Variants in MICAL3 observed in about 807,000 individuals in gnomAD.
MICAL3 encodes the protein [F-actin]-monooxygenase MICAL3.
Under a neutral mutation model 207.4 loss-of-function variants are expected in MICAL3, and 62 were observed. That is an observed-to-expected ratio of 0.30 (90% CI 0.24 to 0.37). The LOEUF is 0.37. Ranked by LOEUF, MICAL3 falls within the 10% of genes least tolerant of loss-of-function variation. The probability of loss-of-function intolerance (pLI) is 1.00; values close to 1 mark genes in which losing one functional copy is unlikely to be tolerated. For synonymous variants in MICAL3, 1,077 were observed against 1,069.3 expected (o/e 1.01, Z -0.14); for missense variants, 2,368 against 2,635.6 (o/e 0.90, Z 2.22).
In MICAL3 at chr22:17,887,304, A is replaced by G. The variant is rs1930005839; in HGVS notation, c.2004+19T>C. 1.2e-6 allele frequency: 2 copies of G among 1,611,354 alleles called. No homozygotes were observed. The highest frequency in any genetic ancestry group is 1.7e-6 in the Non-Finnish European group (2 of 1,177,654). ...CTTGCCATTAGCTTTGCAGCCCATC[A>G]AGAGACTCCTCCACATACCTTGGGA... On this transcript the variant is annotated intron_variant, in intron 14 of 31. Transcript: ENST00000441493.
At chr22:18,000,389 T>C (rs1922808388) in intron 1 of MICAL3, among the ~76,000 whole-genome samples, 2 of 152,246 alleles carry the variant, frequency 1.3e-5, no homozygotes, top group African/African-American at 4.8e-5. Flanking sequence ...TGGACATACT[T>C]TCTCTGCATT....
chr22:17,889,540 G>A (rs1208526077), intron 12 of MICAL3, among the ~76,000 whole-genome samples: 5 of 152,154 alleles, frequency 3.3e-5, no homozygotes, highest in African/African-American at 9.7e-5. Context: ...TCGAGAATAG[G>A]GACTGGCTGG....
chr22:17,972,481 C>T (rs1178121036), intron 1 of MICAL3, among the ~76,000 whole-genome samples: 1 of 152,144 alleles, frequency 6.6e-6, no homozygotes, highest in Non-Finnish European at 1.5e-5. Flanking sequence ...GGAGTAGGGA[C>T]AGCAAGGCAC....
intron 1 of MICAL3, among the ~76,000 whole-genome samples, chr22:17,959,371 GT>G (rs1355551463): frequency 6.6e-6 from 1 of 151,362 alleles, no homozygotes; most frequent in Non-Finnish European, 1.5e-5. Context: ...CTGGAGTGCA[GT>G]GGCGCAATCT....
chr22:17,820,640 C>A (rs900953590), intron 25 of MICAL3, among the ~76,000 whole-genome samples: 3 of 152,260 alleles, frequency 2.0e-5, no homozygotes, highest in Admixed American at 1.3e-4. Context: ...AGGCGTGAGC[C>A]ACCGCGCCTG....
At chr22:17,966,089 A>T (rs2146397076) in intron 1 of MICAL3, among the ~76,000 whole-genome samples, 1 of 152,366 alleles carries the variant, frequency 6.6e-6, no homozygotes. Context: ...AGGATCTGCC[A>T]TCTGCTGCCA....
intron 10 of MICAL3, among the ~76,000 whole-genome samples, chr22:17,894,395 CA>C (rs57537906): frequency 0.047 from 4,016 of 86,140 alleles, 51 homozygotes; most frequent in African/African-American, 0.061. Flanking sequence ...GACTCTGTCT[CA>C]AAAAAAAAAA....
Position 17,864,642 on chromosome 22 carries a change from C to T in MICAL3, c.2605+257G>A, listed in dbSNP as rs189372445. 7.1e-5 allele frequency: 112 copies of T among 1,586,994 alleles called. No individual in the cohort carries two copies. The African/African-American group carries it at 1.1e-3, about 15-fold the overall frequency. On this transcript the variant is annotated intron_variant, in intron 19 of 31. Coordinates refer to ENST00000441493, the MANE Select transcript of MICAL3 (RefSeq NM_015241.3). ...AGCACTTCACGGCTCTGCCGCCCACCGGACGGCCCCATCACTGGGCCACAG... is the reference window on the plus strand; with the variant it reads ...AGCACTTCACGGCTCTGCCGCCCACTGGACGGCCCCATCACTGGGCCACAG...
intron 19 of MICAL3, chr22:17,864,554 T>A (rs536464333): frequency 6.9e-7 from 1 of 1,446,174 alleles, no homozygotes. Flanking sequence ...TGCGAGCTCC[T>A]GTCTACCTAC....
intron 27 of MICAL3, among the ~76,000 whole-genome samples, chr22:17,811,772 G>C (rs1337115977): frequency 6.6e-6 from 1 of 152,068 alleles, no homozygotes; most frequent in African/African-American, 2.4e-5. Context: ...TTTGAGAGAG[G>C]GTCTCATTGT....
intron 1 of MICAL3, among the ~76,000 whole-genome samples, chr22:17,919,377 A>G (rs1932740622): frequency 6.6e-6 from 1 of 152,164 alleles, no homozygotes; most frequent in Non-Finnish European, 1.5e-5. Flanking sequence ...TTTACTTACA[A>G]TCCATCTTTC....
chr22:17,884,891 G>T (rs899070291), intron 16 of MICAL3, among the ~76,000 whole-genome samples: 1 of 152,210 alleles, frequency 6.6e-6, no homozygotes, highest in Non-Finnish European at 1.5e-5. Flanking sequence ...CAGACTCCAA[G>T]CAAAGCTGCT....
chr22:17,919,078 T>TTTG (rs1932723144), intron 1 of MICAL3, among the ~76,000 whole-genome samples: 2 of 147,806 alleles, frequency 1.4e-5, no homozygotes, highest in African/African-American at 5.1e-5. Flanking sequence ...TTTTGTGGGT[T>TTTG]TTTTTTTTTT....
chr22:17,860,864 C>T (rs1032418782), intron 19 of MICAL3: 91 of 985,458 alleles, frequency 9.2e-5, no homozygotes, highest in East Asian at 2.3e-4. Flanking sequence ...CAGTGTGAGG[C>T]TCCCGTGGTT....
chr22:17,804,859 T>G (rs1196759335), intron 29 of MICAL3, among the ~76,000 whole-genome samples: 3 of 152,170 alleles, frequency 2.0e-5, no homozygotes, highest in African/African-American at 7.2e-5. Context: ...AGTTTTTCAA[T>G]GCATGCTCAA....
chr22:17,864,272 G>A, intron 19 of MICAL3: 4 of 1,062,828 alleles, frequency 3.8e-6, no homozygotes, highest in Non-Finnish European at 4.6e-6. Flanking sequence ...ACAGGTGAGG[G>A]CTTGGACCTC....
rs747503261 is a variant in MICAL3, at chr22:17,896,228, C to T, written c.1322+18G>A. 11 of 1,457,526 alleles carry T rather than the reference C, an allele frequency of 7.5e-6. No homozygotes were observed. Among genetic ancestry groups the T allele is most frequent in the South Asian group, 1.2e-5 (1 of 82,082 alleles). 90.3% of individuals were successfully genotyped at this position (1,457,526 alleles called of 1,614,324 possible). ...CCCAGTTTTCTCATGAAAGGAACCC[C>T]GGGTTACTTCCCATTACCTCTCTGC... On this transcript the variant is annotated intron_variant, in intron 9 of 31. Transcript: ENST00000441493.
chr22:17,865,699 C>T (rs766866614), intron 18 of MICAL3, among the ~76,000 whole-genome samples: 7 of 152,218 alleles, frequency 4.6e-5, no homozygotes, highest in South Asian at 2.1e-4. Context: ...CTCCTGGGTC[C>T]GACTCAGGGG....
At chr22:17,827,976 C>A (rs80167273) in intron 21 of MICAL3, among the ~76,000 whole-genome samples, 195 bp from the exon 22 acceptor site, 1 of 152,320 alleles carries the variant, frequency 6.6e-6, no homozygotes, top group Admixed American at 6.5e-5. Flanking sequence ...CACAGACACA[C>A]ACGCACAGTC....
Sources: gnomAD v4.1 joint callset for allele counts (sites outside exome capture counted in the v4.1 genomes callset) on GRCh38, gnomAD v4.1.1 for gene constraint, MANE v1.5 for transcripts, NCBI Gene and HGNC (gene_info 2026-07-23, HGNC 2026-07-21) for gene names.